Variants in UGT1A10 observed in about 807,000 individuals in gnomAD.
The protein encoded by UGT1A10 is UDP glucuronosyltransferase family 1 member A10.
UGT1A10 carries 49 observed loss-of-function variants against 45.8 expected under a neutral mutation model. That is an observed-to-expected ratio of 1.07 (90% CI 0.85 to 1.36). UGT1A10 has a LOEUF of 1.36. UGT1A10 is among the 40% of genes most tolerant of loss of function. The probability of loss-of-function intolerance (pLI) is 0.00; values close to 1 mark genes in which losing one functional copy is unlikely to be tolerated. For missense variants in UGT1A10, 745 were observed against 668.6 expected (o/e 1.11, Z -1.26); for synonymous variants, 284 against 249.7 (o/e 1.14, Z -1.29).
intron 1 of UGT1A10, chr2:233,712,962 G>C: frequency 6.2e-7 from 1 of 1,612,880 alleles, no homozygotes; most frequent in Non-Finnish European, 8.5e-7. Flanking sequence ...ACGTGGGGTG[G>C]ACAGTCAGCT....
At chr2:233,747,182 T>C (rs1414882979) in intron 1 of UGT1A10, 87 of 1,602,200 alleles carry the variant, frequency 5.4e-5, no homozygotes, top group South Asian at 4.3e-4. Flanking sequence ...CAGCGTGGGG[T>C]GGACAGTCAG....
intron 1 of UGT1A10, among the ~76,000 whole-genome samples, chr2:233,639,368 T>A (rs1341591831): frequency 6.6e-6 from 1 of 152,212 alleles, no homozygotes; most frequent in Non-Finnish European, 1.5e-5. Context: ...CAAAGAGGGC[T>A]TTCTGTCAAA....
At position 233,743,837 on chromosome 2, in the gene UGT1A10, G is replaced by A. The variant is rs371252305; in HGVS notation, c.856-23197G>A. On this transcript the variant is annotated intron_variant, in intron 1 of 4. Coordinates refer to ENST00000344644, the MANE Select transcript of UGT1A10 (RefSeq NM_019075.4). Reference sequence around the variant, plus strand: ...GTTTTTGTCGGGGTGCCACTTGAGCGCCAGCTTGCGGTACGCCTTCTTGAT... The same window carrying A: ...GTTTTTGTCGGGGTGCCACTTGAGCACCAGCTTGCGGTACGCCTTCTTGAT... 45 of 1,367,128 alleles carry A rather than the reference G, an allele frequency of 3.3e-5. No homozygotes were observed. The African/African-American group carries it at 3.6e-4, about 11-fold the overall frequency. 84.7% of individuals were successfully genotyped at this position (1,367,128 alleles called of 1,614,324 possible). A position where few individuals can be genotyped will look rare whatever the true frequency, so the allele number is the denominator to read the frequency against.
rs1384972037 is a variant in UGT1A10 at position 233,682,194 on chromosome 2, A to G, written c.855+44817A>G. 1.2e-6 allele frequency: 2 copies of G among 1,614,130 alleles called. No individual in the cohort carries two copies. Among genetic ancestry groups the G allele is most frequent in the East Asian group, 2.2e-5 (1 of 44,902 alleles). On this transcript the variant is annotated intron_variant, in intron 1 of 4. Transcript: ENST00000344644. ...TCAACCTCATACACTCTGGAGGATC[A>G]GGACCGGGAGTTCATGGTTTTTGCC...
intron 1 of UGT1A10, among the ~76,000 whole-genome samples, chr2:233,650,033 C>A (rs28969990): frequency 6.6e-6 from 1 of 152,100 alleles, no homozygotes; most frequent in Non-Finnish European, 1.5e-5. Context: ...TGCAATGGTG[C>A]GATCTTGGCT....
rs543813427 is a variant in UGT1A10, at chr2:233,762,081, T to A, written c.856-4953T>A. Among the ~76,000 whole-genome samples, 15 of 152,334 alleles carry A rather than the reference T, an allele frequency of 9.8e-5. No homozygotes were observed. In the South Asian group the frequency reaches 3.1e-3, roughly 32 times the overall value. On this transcript the variant is annotated intron_variant, in intron 1 of 4. Transcript: ENST00000344644. ...TAGCACATCAAATATGGCAGCCATT[T>A]CACTTAGATAGTTGTTGATTGTCCG...
chr2:233,747,098 T>C (rs1559391803), intron 1 of UGT1A10: 2 of 1,324,344 alleles, frequency 1.5e-6, no homozygotes, highest in Non-Finnish European at 2.1e-6. Flanking sequence ...CACTCTATCT[T>C]CCAATTACAT....
chr2:233,719,161 T>C, intron 1 of UGT1A10: 2 of 1,614,250 alleles, frequency 1.2e-6, no homozygotes, highest in Non-Finnish European at 1.7e-6. Flanking sequence ...TCTAGAAGTA[T>C]GGCAATTATG....
chr2:233,708,677 G>C (rs1252536651), intron 1 of UGT1A10: 1 of 152,186 alleles, frequency 6.6e-6, no homozygotes, highest in African/African-American at 2.4e-5. Context: ...TTTGAGCCCA[G>C]GAGTTCAAGG....
At chr2:233,709,366 GT>G in intron 1 of UGT1A10, among the ~76,000 whole-genome samples, 1 of 152,240 alleles carries the variant, frequency 6.6e-6, no homozygotes, top group South Asian at 2.1e-4. Context: ...AGATTTTTCT[GT>G]GTCCTAATCT....
chr2:233,766,278 C>CGGGCTCGGTGGCCT (rs201295078), intron 1 of UGT1A10, among the ~76,000 whole-genome samples: 1 of 116,250 alleles, frequency 8.6e-6, no homozygotes, highest in East Asian at 2.1e-4. Flanking sequence ...CTCGGTGGCC[C>CGGGCTCGGTGGCCT]GGGCTCGGTG....
intron 1 of UGT1A10, among the ~76,000 whole-genome samples, chr2:233,719,887 G>C (rs2076812718): frequency 6.6e-6 from 1 of 152,130 alleles, no homozygotes; most frequent in Non-Finnish European, 1.5e-5. Flanking sequence ...CACGGATGAG[G>C]GTCTGTCAGA....
At chr2:233,712,692 T>C (rs1221158170) in intron 1 of UGT1A10, among the ~76,000 whole-genome samples, 1 of 152,126 alleles carries the variant, frequency 6.6e-6, no homozygotes, top group Non-Finnish European at 1.5e-5. Context: ...AAATGGGGGT[T>C]CACAGCCTTG....
chr2:233,767,947 C>T lies in UGT1A10; in HGVS notation c.1075+11C>T, dbSNP rs61764033. On this transcript the variant is annotated intron_variant, in intron 3 of 4. Coordinates refer to ENST00000344644, the MANE Select transcript of UGT1A10 (RefSeq NM_019075.4). ...AAAACGATCTGCTTGGTATGTTGGG[C>T]GGATTGGATGTATAGGTCAAACCAG... 4.4e-5 allele frequency: 71 copies of T among 1,614,092 alleles called. No individual in the cohort carries two copies. Among genetic ancestry groups the T allele is most frequent in the Middle Eastern group, 1.6e-4 (1 of 6,062 alleles).
Position 233,729,793 on chromosome 2 carries a change from A to C in UGT1A10, c.856-37241A>C, listed in dbSNP as rs145403444. 3.6e-5 allele frequency: 58 copies of C among 1,613,368 alleles called. No homozygotes were observed. The African/African-American group carries it at 3.9e-4, about 11-fold the overall frequency. ...GCTCTACCCTCTGGCCCTGTCCTAC[A>C]TTTGCCATGCTTTTTCTGCTCCTTA... On this transcript the variant is annotated intron_variant, in intron 1 of 4. Transcript: ENST00000344644.
At position 233,725,179 on chromosome 2, in the gene UGT1A10, G is replaced by GAGAGGCAGAGGC. The variant is rs879478240; in HGVS notation, c.856-41825_856-41814dup. Among the ~76,000 whole-genome samples the GAGAGGCAGAGGC allele has an allele frequency of 1.3e-4, 9 of 67,606 alleles. 4 individuals carry two copies. Among genetic ancestry groups the GAGAGGCAGAGGC allele is most frequent in the South Asian group, 1.1e-3 (2 of 1,884 alleles). The allele number at this position is 67,606 out of a possible 152,430, so 44.4% of individuals were successfully genotyped here. A position where few individuals can be genotyped will look rare whatever the true frequency, so the allele number is the denominator to read the frequency against. ...CTCTGCATGAGAGGGAGACCGTGGGGAGAGGCAGAGGCAGAGGCAGAGGCA... is the reference window on the plus strand; with the variant it reads ...CTCTGCATGAGAGGGAGACCGTGGGGAGAGGCAGAGGCAGAGGCAGAGGCAGAGGCAGAGGCA... On this transcript the variant is annotated intron_variant, in intron 1 of 4. Transcript: ENST00000344644.
At chr2:233,655,093 AAAAG>A (rs1355216846) in intron 1 of UGT1A10, among the ~76,000 whole-genome samples, 3 of 152,318 alleles carry the variant, frequency 2.0e-5, no homozygotes, top group African/African-American at 4.8e-5. Context: ...TCTCTCAAAA[AAAAG>A]AAAGAAAGAA....
chr2:233,757,162 G>C (rs1696424537), intron 1 of UGT1A10, among the ~76,000 whole-genome samples: 1 of 151,472 alleles, frequency 6.6e-6, no homozygotes, highest in African/African-American at 2.4e-5. Context: ...GTCTATCCCA[G>C]AGTTTTGAGA....
intron 1 of UGT1A10, among the ~76,000 whole-genome samples, chr2:233,710,802 C>T (rs187867245): frequency 5.3e-4 from 80 of 152,332 alleles, no homozygotes; most frequent in Non-Finnish European, 9.6e-4. Context: ...TTGTACCCCT[C>T]GTGCCCTATC....
Sources: gnomAD v4.1 joint callset for allele counts (sites outside exome capture counted in the v4.1 genomes callset) on GRCh38, gnomAD v4.1.1 for gene constraint, MANE v1.5 for transcripts, NCBI Gene and HGNC (gene_info 2026-07-23, HGNC 2026-07-21) for gene names.